Variants in ADAMTS6 observed in about 807,000 individuals in gnomAD.
ADAMTS6 encodes A disintegrin and metalloproteinase with thrombospondin motifs 6.
ADAMTS6 carries 23 observed loss-of-function variants against 144.3 expected under a neutral mutation model. The ratio of observed to expected loss-of-function variants is 0.16; its 90% CI spans 0.11 to 0.23. The LOEUF (loss-of-function observed/expected upper bound fraction) is 0.23. ADAMTS6 is among the 10% of genes least tolerant of loss of function. The probability of loss-of-function intolerance (pLI) is 1.00; values close to 1 mark genes in which losing one functional copy is unlikely to be tolerated. For synonymous variants in ADAMTS6, 444 were observed against 457.5 expected (o/e 0.97, Z 0.38); for missense variants, 999 against 1,379.6 (o/e 0.72, Z 4.37).
intron 10 of ADAMTS6, among the ~76,000 whole-genome samples, chr5:65,298,812 C>T (rs369683664): frequency 3.3e-5 from 5 of 151,978 alleles, no homozygotes; most frequent in African/African-American, 1.2e-4. Context: ...AAGCATTGTG[C>T]TAGGTAATTT....
At chr5:65,378,252 A>C (rs1457257338) in intron 7 of ADAMTS6, among the ~76,000 whole-genome samples, 1 of 152,134 alleles carries the variant, frequency 6.6e-6, no homozygotes, top group Non-Finnish European at 1.5e-5. Context: ...AAAAAGCATT[A>C]TTTTATTCTA....
At position 65,179,560 on chromosome 5, in the gene ADAMTS6, G is replaced by A. The variant is rs1017045718; in HGVS notation, c.2911-6552C>T. ...ATGTGGTTCTCTTAATTAGGAAAGA[G>A]GCTATATGGCAGAAAATAAGTACAT... is the stretch of plus-strand genomic sequence containing the variant. On this transcript the variant is annotated intron_variant, in intron 22 of 24. Coordinates refer to ENST00000381055, the MANE Select transcript of ADAMTS6 (RefSeq NM_197941.4). Among the ~76,000 whole-genome samples, 13 of 152,268 alleles carry A rather than the reference G, an allele frequency of 8.5e-5. No homozygotes were observed. The East Asian group carries it at 2.1e-3, about 25-fold the overall frequency.
chr5:65,417,446 C>G lies in ADAMTS6; in HGVS notation c.1073+34029G>C, dbSNP rs184708583. ...AAAAGAAGAAGGCAAACTATCTCTG[C>G]GCATAGGATGATATAATCCTATATT... On this transcript the variant is annotated intron_variant, in intron 7 of 24. Transcript: ENST00000381055. 1.6e-3 allele frequency among the ~76,000 whole-genome samples: 251 copies of G among 152,174 alleles called. 6 individuals carry two copies. Among genetic ancestry groups the G allele is most frequent in the Admixed American group, 0.016 (249 of 15,294 alleles).
intron 9 of ADAMTS6, among the ~76,000 whole-genome samples, chr5:65,321,758 C>T (rs1745638766): frequency 6.9e-6 from 1 of 144,068 alleles, no homozygotes; most frequent in Admixed American, 7.0e-5. Flanking sequence ...CTCTGTCACC[C>T]AGGCTGGAGT....
At chr5:65,232,524 A>G (rs1416724359) in intron 15 of ADAMTS6, among the ~76,000 whole-genome samples, 2 of 152,106 alleles carry the variant, frequency 1.3e-5, no homozygotes, top group Non-Finnish European at 2.9e-5. Flanking sequence ...AGACATTACA[A>G]CAGACACCAC....
At chr5:65,441,186 T>C (rs1490931323) in intron 7 of ADAMTS6, among the ~76,000 whole-genome samples, 1 of 152,162 alleles carries the variant, frequency 6.6e-6, no homozygotes, top group East Asian at 1.9e-4. Context: ...AAAAAAATTA[T>C]ACTACATAAG....
intron 12 of ADAMTS6, among the ~76,000 whole-genome samples, chr5:65,270,431 TAAA>T (rs1761964925): frequency 6.6e-6 from 1 of 152,158 alleles, no homozygotes; most frequent in Non-Finnish European, 1.5e-5. Context: ...AGATAAAAAA[TAAA>T]GAAGTGTTTT....
chr5:65,205,913 G>A (rs1218353487), intron 20 of ADAMTS6, among the ~76,000 whole-genome samples: 1 of 152,142 alleles, frequency 6.6e-6, no homozygotes, highest in East Asian at 1.9e-4. Context: ...ATATAGATAT[G>A]AGAAATTTAC....
chr5:65,370,434 G>A (rs914814274), intron 7 of ADAMTS6, among the ~76,000 whole-genome samples: 3 of 152,170 alleles, frequency 2.0e-5, no homozygotes, highest in Non-Finnish European at 2.9e-5. Flanking sequence ...TGCGTGAGCC[G>A]AAGCAGGGAG....
intron 22 of ADAMTS6, among the ~76,000 whole-genome samples, chr5:65,174,002 C>T (rs1339140647): frequency 7.2e-6 from 1 of 139,852 alleles, no homozygotes; most frequent in African/African-American, 2.7e-5. Flanking sequence ...AGCCTAGAGA[C>T]AGAGCAAGAT....
intron 8 of ADAMTS6, 33 bp from the exon 9 acceptor site, chr5:65,329,516 GCC>G (rs761059371): frequency 1.3e-6 from 2 of 1,568,868 alleles, no homozygotes; most frequent in South Asian, 2.3e-5. Flanking sequence ...AAAGGGTCAA[GCC>G]AAGGTGTTTC....
intron 18 of ADAMTS6, among the ~76,000 whole-genome samples, chr5:65,222,198 T>C (rs894748864): frequency 6.6e-6 from 1 of 152,196 alleles, no homozygotes; most frequent in Admixed American, 6.5e-5. Flanking sequence ...CAGGGACTAA[T>C]GCTTCTGGAT....
intron 20 of ADAMTS6, chr5:65,210,129 G>A (rs1338525057): frequency 4.6e-6 from 1 of 218,820 alleles, no homozygotes; most frequent in Admixed American, 4.1e-5. Flanking sequence ...CTGGCCCACA[G>A]GCTTTTCAAT....
intron 22 of ADAMTS6, among the ~76,000 whole-genome samples, chr5:65,175,179 A>G (rs1052314460): frequency 6.6e-6 from 1 of 151,974 alleles, no homozygotes; most frequent in Non-Finnish European, 1.5e-5. Flanking sequence ...AAAGACCAGC[A>G]GAGAGAGACA....
At chr5:65,304,591 C>T (rs1168674246) in intron 9 of ADAMTS6, among the ~76,000 whole-genome samples, 1 of 152,056 alleles carries the variant, frequency 6.6e-6, no homozygotes, top group Non-Finnish European at 1.5e-5. Context: ...CAACACCAAA[C>T]CTGGAAAATT....
intron 11 of ADAMTS6, among the ~76,000 whole-genome samples, chr5:65,280,400 C>T (rs147930161): frequency 9.1e-4 from 139 of 152,316 alleles, no homozygotes; most frequent in African/African-American, 3.2e-3. Context: ...CATCTGCCCT[C>T]ATGGCTGCAA....
At chr5:65,364,963 T>A (rs1750170573) in intron 7 of ADAMTS6, among the ~76,000 whole-genome samples, 1 of 152,180 alleles carries the variant, frequency 6.6e-6, no homozygotes, top group Non-Finnish European at 1.5e-5. Flanking sequence ...AATGAAGATC[T>A]GCATCATTTA....
intron 22 of ADAMTS6, among the ~76,000 whole-genome samples, chr5:65,176,919 G>C (rs989395676): frequency 1.3e-5 from 2 of 152,184 alleles, no homozygotes; most frequent in Non-Finnish European, 2.9e-5. Flanking sequence ...GTCCACTGCT[G>C]ATGTCCCCAC....
chr5:65,292,469 T>C (rs964528066), intron 10 of ADAMTS6, among the ~76,000 whole-genome samples: 2 of 151,942 alleles, frequency 1.3e-5, no homozygotes, highest in African/African-American at 4.8e-5. Flanking sequence ...TCAACTGTTA[T>C]TTAGGACAGT....
Sources: gnomAD v4.1 joint callset for allele counts (sites outside exome capture counted in the v4.1 genomes callset) on GRCh38, gnomAD v4.1.1 for gene constraint, MANE v1.5 for transcripts, NCBI Gene and HGNC (gene_info 2026-07-23, HGNC 2026-07-21) for gene names.